UBR4: variants seen among roughly 807,000 people sequenced by gnomAD.
The protein encoded by UBR4 is E3 ubiquitin-protein ligase UBR4.
UBR4 carries 124 observed loss-of-function variants against 575.6 expected under a neutral mutation model. The ratio of observed to expected loss-of-function variants is 0.22; its 90% confidence interval spans 0.19 to 0.25. The LOEUF is 0.25. Ranked by LOEUF, UBR4 falls within the 10% of genes least tolerant of loss-of-function variation. The pLI, the probability that UBR4 is intolerant of heterozygous loss-of-function variation, is 1.00. For synonymous variants in UBR4, 2,455 were observed against 2,473.7 expected (o/e 0.99, Z 0.22); for missense variants, 4,818 against 6,478.8 (o/e 0.74, Z 8.80).
chr1:19,203,047 C>T (rs751682317), intron 1 of UBR4, among the ~76,000 whole-genome samples: 4 of 151,658 alleles, frequency 2.6e-5, no homozygotes, highest in Non-Finnish European at 5.9e-5. Flanking sequence ...GGCCACTGCA[C>T]TCCAGCCTGG....
In UBR4 at chr1:19,179,169, G is replaced by A. The variant is rs372159290; in HGVS notation, c.2236C>T (p.Pro746Ser). 4.3e-5 allele frequency: 68 copies of A among 1,594,154 alleles called. No homozygotes were observed. Among genetic ancestry groups the A allele is most frequent in the South Asian group, 1.9e-4 (17 of 88,156 alleles). Residue 746 changes from proline to serine, a missense_variant, in exon 18 of 106, where the codon CCC (proline) becomes TCC (serine). By Grantham distance (74) the Pro-to-Ser change is moderately conservative (BLOSUM62 -1). This residue lies in a region of UBR4 where 1,172 missense variants were observed against 1,259.7 expected (regional missense o/e 0.93). Coordinates refer to ENST00000375254, the MANE Select transcript of UBR4 (RefSeq NM_020765.3). ...GVAPFSEGPWPLYIHPQSLSV... is the reference protein window; with the variant it reads ...GVAPFSEGPWSLYIHPQSLSV... ...AGGCTTTGAGGGTGAATGTACAAGG[G>A]CCAAGGGCCCTCAGAAAAAGGAGCC...
Position 19,146,879 on chromosome 1 carries a change from C to T in UBR4, c.7751G>A (p.Arg2584His), listed in dbSNP as rs1408873535. 4.3e-6 allele frequency: 7 copies of T among 1,613,950 alleles called. No individual in the cohort carries two copies. The highest frequency in any genetic ancestry group is 1.6e-4 in the Middle Eastern group (1 of 6,078). ...CGTAAAGTGGACAAGGTTGTTGGGGCGCATGATGGCAATGGAGCGAGCTGT... is the reference window on the plus strand; with the variant it reads ...CGTAAAGTGGACAAGGTTGTTGGGGTGCATGATGGCAATGGAGCGAGCTGT... ...VITARSIAIMRPNNLVHFTES... is the reference protein window; with the variant it reads ...VITARSIAIMHPNNLVHFTES... The change falls in exon 52 of 106, where the codon CGC becomes CAC. Residue 2584 changes from arginine to histidine, a missense_variant. Physicochemically the swap from Arg to His is conservative, Grantham distance 29. Around this residue, in one of 29 missense-constraint regions of UBR4, gnomAD observed 340 missense variants for 375.4 expected, o/e 0.91. Coordinates refer to ENST00000375254, the MANE Select transcript of UBR4 (RefSeq NM_020765.3).
chr1:19,178,549 A>C (rs1538485), intron 18 of UBR4, among the ~76,000 whole-genome samples: 6,138 of 152,314 alleles, frequency 0.04, 354 homozygotes, highest in African/African-American at 0.13. Context: ...CAGAAAGCAA[A>C]GCCTTTTAGG....
intron 101 of UBR4, among the ~76,000 whole-genome samples, 175 bp downstream of exon 101, chr1:19,085,970 C>T (rs2274009): frequency 0.57 from 86,799 of 151,834 alleles, 25,218 homozygotes; most frequent in East Asian, 0.76. Context: ...TTGAGTAAGC[C>T]TCCATCCCCC....
chr1:19,121,571 T>C, intron 67 of UBR4, 137 bp from the exon 68 acceptor site: 1 of 1,154,472 alleles, frequency 8.7e-7, no homozygotes, highest in African/African-American at 1.6e-5. Flanking sequence ...TGCTGGACAT[T>C]GTGAAGAAGT....
chr1:19,077,766 C>A, intron 104 of UBR4: 1 of 1,491,004 alleles, frequency 6.7e-7, no homozygotes. Flanking sequence ...CCAAACAAAA[C>A]CAAACAAAAC....
chr1:19,109,846 A>C (rs1441812798), intron 81 of UBR4, among the ~76,000 whole-genome samples: 1 of 152,232 alleles, frequency 6.6e-6, no homozygotes. Context: ...ACATGACTGG[A>C]AAGAGTTCAT....
At chr1:19,165,778 T>A (rs2088247867) in intron 29 of UBR4, 21 bp from the exon 30 acceptor site, 2 of 1,594,206 alleles carry the variant, frequency 1.3e-6, no homozygotes, top group South Asian at 2.2e-5. Flanking sequence ...AACGGAAAAC[T>A]TAACCACCAG....
rs545722714 is a variant in UBR4, at chr1:19,149,957, G to C, written c.7430+620C>G. On this transcript the variant is annotated intron_variant, in intron 49 of 105. Transcript: ENST00000375254. ...TGGTGGTGGGAGGCAGTGATTCCAAGCAAGGCTATTCTTGTGACTTACAAT... is the reference window on the plus strand; with the variant it reads ...TGGTGGTGGGAGGCAGTGATTCCAACCAAGGCTATTCTTGTGACTTACAAT... 4.7e-4 allele frequency among the ~76,000 whole-genome samples: 72 copies of C among 152,262 alleles called. 2 individuals carry two copies. The South Asian group carries it at 0.014, about 29-fold the overall frequency.
At position 19,120,127 on chromosome 1, in the gene UBR4, C is replaced by T. The variant is rs148696619; in HGVS notation, c.10310+53G>A. The stretch of plus-strand genomic sequence containing the variant: ...CCGAAAACAAAATAGAACTGCATTA[C>T]GCACCCTGGCCTCACACCCTTGCAG... On this transcript the variant is annotated intron_variant, in intron 69 of 105. Coordinates refer to ENST00000375254, the MANE Select transcript of UBR4 (RefSeq NM_020765.3). The T allele has an allele frequency of 1.3e-4, 203 of 1,591,150 alleles. No homozygotes were observed. The East Asian group carries it at 1.4e-3, about 11-fold the overall frequency.
At position 19,160,219 on chromosome 1, in the gene UBR4, C is replaced by T; in HGVS notation, c.5469G>A (p.Gln1823=). The change falls in exon 39 of 106, where the codon CAG becomes CAA. Residue 1823 remains glutamine, a synonymous_variant. Transcript: ENST00000375254. The part of the protein sequence containing the change: ...DMLNFLMDAI[Q]TNFQQASAVG... The stretch of plus-strand genomic sequence containing the variant: ...CGGCTGAAGCTTGCTGGAAGTTGGT[C>T]TGAATGGCATCCATAAGGAAATTAA... 1 of 1,612,638 alleles carries T rather than the reference C, an allele frequency of 6.2e-7. No homozygotes were observed. The highest frequency in any genetic ancestry group is 8.5e-7 in the Non-Finnish European group (1 of 1,179,834).
chr1:19,141,604 T>C lies in UBR4; in HGVS notation c.8310+43A>G, dbSNP rs758123101. ...CCACTGAATAAGAGCTAGAGGAGAG[T>C]TGTGAAGCTCCTCCTCCCCTTCTCC... On this transcript the variant is annotated intron_variant, in intron 56 of 105. Transcript: ENST00000375254. 8 of 1,608,890 alleles carry C rather than the reference T, an allele frequency of 5.0e-6. No individual in the cohort carries two copies. The East Asian group carries it at 1.3e-4, about 27-fold the overall frequency.
Position 19,157,694 on chromosome 1 carries a change from T to C in UBR4, c.5760+121A>G, listed in dbSNP as rs2086644791. 7.8e-7 allele frequency: 1 copy of C among 1,283,580 alleles called. No individual in the cohort carries two copies. The highest frequency in any genetic ancestry group is 1.1e-6 in the Non-Finnish European group (1 of 939,160). 79.5% of individuals were successfully genotyped at this position (1,283,580 alleles called of 1,614,324 possible). On this transcript the variant is annotated intron_variant, in intron 40 of 105. Transcript: ENST00000375254. The surrounding 1 kb of genome is among the most constrained non-coding windows in gnomAD (Gnocchi z 4.4). ...TCAACAAGATCTGTCCCTGAAGCAT[T>C]CTTAGAACGCAGTGGACTTTTTCCC...
At chr1:19,116,491 T>A (rs2080544392) in intron 73 of UBR4, among the ~76,000 whole-genome samples, 1 of 151,958 alleles carries the variant, frequency 6.6e-6, no homozygotes, top group Non-Finnish European at 1.5e-5. Context: ...CGTGTTGCTG[T>A]GGTACATGAG....
chr1:19,099,344 C>T (rs962342615), intron 90 of UBR4, among the ~76,000 whole-genome samples: 1 of 152,226 alleles, frequency 6.6e-6, no homozygotes, highest in Admixed American at 6.5e-5. Context: ...GGTTTGACAA[C>T]TTGCACAGCC....
rs533672783 is a variant in UBR4 at position 19,119,879 on chromosome 1, C to T, written c.10311-178G>A. Among the ~76,000 whole-genome samples the T allele has an allele frequency of 7.8e-4, 118 of 152,226 alleles. 5 individuals carry two copies. In the South Asian group the frequency reaches 0.023, roughly 29 times the overall value. ...CAGCATAGTCATTTGCTGCCTCTAC[C>T]CATCACCCAACATATCCCAGAGCAG... On this transcript the variant is annotated intron_variant, in intron 69 of 105. Transcript: ENST00000375254.
intron 33 of UBR4, 80 bp from the exon 34 acceptor site, chr1:19,163,907 A>C (rs1004307144): frequency 3.5e-6 from 5 of 1,428,826 alleles, no homozygotes; most frequent in Non-Finnish European, 4.9e-6. Context: ...ATCTTCATTA[A>C]CTTTGAATCA....
chr1:19,148,541 G>A, intron 50 of UBR4, 22 bp downstream of exon 50: 1 of 1,614,154 alleles, frequency 6.2e-7, no homozygotes, highest in Non-Finnish European at 8.5e-7. Context: ...AAGCTTCCAT[G>A]TGCTTTGAAA....
At chr1:19,197,090 G>A in intron 8 of UBR4, 51 bp downstream of exon 8, 2 of 1,596,938 alleles carry the variant, frequency 1.3e-6, no homozygotes, top group Non-Finnish European at 1.7e-6. Flanking sequence ...TTTCCTGAAA[G>A]TATATCTCTG....
Sources: allele counts gnomAD v4.1 joint callset (sites outside exome capture counted in the v4.1 genomes callset), GRCh38; gene constraint gnomAD v4.1.1; regional missense constraint gnomAD v4.1.1; non-coding constraint Gnocchi (gnomAD v3.1); transcripts MANE v1.5; gene names NCBI Gene and HGNC (gene_info 2026-07-23, HGNC 2026-07-21).